Variants in SLC35F3 observed in about 807,000 individuals in gnomAD.
The protein encoded by SLC35F3 is putative thiamine transporter SLC35F3.
Under a neutral mutation model 49.9 loss-of-function variants are expected in SLC35F3, and 25 were observed. The observed-to-expected ratio is 0.50, with a 90% CI of 0.37 to 0.70. The LOEUF is 0.70. Among genes scored for constraint, SLC35F3 ranks in the 30% least tolerant of loss-of-function variants. SLC35F3 has a pLI of 0.00. For synonymous variants in SLC35F3, 275 were observed against 265.4 expected, an observed-to-expected ratio of 1.04 and a Z score of -0.35; for missense variants, 525 against 639.8, an observed-to-expected ratio of 0.82 and a Z score of 1.94.
chr1:234,124,728 C>T (rs737256), intron 2 of SLC35F3, among the ~76,000 whole-genome samples: 20,314 of 152,124 alleles, frequency 0.13, 2,875 homozygotes, highest in East Asian at 0.77. Context: ...ATTATCCGAG[C>T]ATGGTACTGC....
intron 7 of SLC35F3, among the ~76,000 whole-genome samples, chr1:234,321,726 C>T (rs12129307): frequency 0.11 from 16,843 of 152,194 alleles, 1,046 homozygotes; most frequent in African/African-American, 0.15. Context: ...TCCCAGGCCA[C>T]TCTTGATTGG....
In SLC35F3 at chr1:234,231,536, ATCT is replaced by A. The variant is rs1484835366; in HGVS notation, c.407_409del (p.Phe136del). 3 of 1,613,820 alleles carry A rather than the reference ATCT, an allele frequency of 1.9e-6. No homozygotes were observed. Among genetic ancestry groups the A allele is most frequent in the African/African-American group, 1.3e-5 (1 of 74,884 alleles). On this transcript the variant is annotated inframe_deletion, in exon 3 of 8. Coordinates refer to ENST00000366618, the MANE Select transcript of SLC35F3 (RefSeq NM_173508.4). This position sits in a 1 kb window ranked among gnomAD's most constrained non-coding sequence, Gnocchi z 5.4. ...GTGCTCCCGGGCGCAACTCAAGAAG[ATCT>A]TCTGGGGCGTGGCGGTCGTGCTGTG...
intron 3 of SLC35F3, among the ~76,000 whole-genome samples, chr1:234,249,427 C>G (rs1163376641): frequency 6.6e-6 from 1 of 152,174 alleles, no homozygotes; most frequent in Non-Finnish European, 1.5e-5. Flanking sequence ...GGAACCTCCC[C>G]CTTATCCCAT....
chr1:233,982,112 A>C (rs1012799741), intron 2 of SLC35F3, among the ~76,000 whole-genome samples: 1 of 152,086 alleles, frequency 6.6e-6, no homozygotes, highest in Non-Finnish European at 1.5e-5. Flanking sequence ...TTTAGTAGAG[A>C]TGGGGTTTTG....
intron 2 of SLC35F3, among the ~76,000 whole-genome samples, chr1:234,139,951 T>TAATAAAATAAGATAAAATAAAATAA (rs1553308847): frequency 2.3e-4 from 21 of 90,584 alleles, no homozygotes; most frequent in African/African-American, 7.7e-4. Context: ...CATCTCAAAA[T>TAATAAAATAAGATAAAATAAAATAA]AATAAAATAA....
intron 2 of SLC35F3, among the ~76,000 whole-genome samples, chr1:234,080,942 A>G (rs1007417767): frequency 6.6e-6 from 1 of 152,218 alleles, no homozygotes; most frequent in African/African-American, 2.4e-5. Context: ...AAAAATTGCA[A>G]AAAAAACCCT....
intron 2 of SLC35F3, among the ~76,000 whole-genome samples, chr1:234,010,286 A>G (rs1193491250): frequency 6.6e-6 from 1 of 152,222 alleles, no homozygotes. Context: ...TCAGCTTGAA[A>G]TACCTGGTTA....
At chr1:233,965,506 C>G (rs1051245488) in intron 2 of SLC35F3, among the ~76,000 whole-genome samples, 2 of 152,222 alleles carry the variant, frequency 1.3e-5, no homozygotes, top group Admixed American at 6.5e-5. Flanking sequence ...ATGAGAGACT[C>G]TCCTTGCTGG....
chr1:234,210,421 T>A (rs993875298), intron 2 of SLC35F3, among the ~76,000 whole-genome samples: 2 of 152,092 alleles, frequency 1.3e-5, no homozygotes, highest in Non-Finnish European at 2.9e-5. Flanking sequence ...CAGAAGAAGA[T>A]AAGAAAATGT....
intron 2 of SLC35F3, among the ~76,000 whole-genome samples, chr1:234,048,576 C>T (rs1250506459): frequency 2.6e-5 from 4 of 151,664 alleles, no homozygotes; most frequent in Admixed American, 6.6e-5. Context: ...TCAAAACTGC[C>T]TCTACCTCAT....
In SLC35F3 at chr1:234,231,301, G is replaced by C. The variant is rs1240881463; in HGVS notation, c.284-116G>C. 5.7e-6 allele frequency: 5 copies of C among 875,284 alleles called. No individual in the cohort carries two copies. Among genetic ancestry groups the C allele is most frequent in the South Asian group, 5.4e-5 (3 of 55,260 alleles). The allele number at this position is 875,284 out of a possible 1,614,324, so 54.2% of individuals were successfully genotyped here. On this transcript the variant is annotated intron_variant, in intron 2 of 7. Coordinates refer to ENST00000366618, the MANE Select transcript of SLC35F3 (RefSeq NM_173508.4). This position sits in a 1 kb window ranked among gnomAD's most constrained non-coding sequence, Gnocchi z 5.4. ...CGCCCTGGAAGCCGCCCCTGCACCC[G>C]CTATCTCCCCGGGCCCCCAGGTAGC...
At chr1:234,081,647 C>T (rs1664877224) in intron 2 of SLC35F3, among the ~76,000 whole-genome samples, 2 of 152,190 alleles carry the variant, frequency 1.3e-5, no homozygotes, top group Non-Finnish European at 1.5e-5. Flanking sequence ...ACCAGGGCTT[C>T]TGTCTTGTCC....
At chr1:234,278,263 G>T (rs113364135) in intron 3 of SLC35F3, among the ~76,000 whole-genome samples, 24,855 of 152,090 alleles carry the variant, frequency 0.16, 2,225 homozygotes, top group Admixed American at 0.18. Flanking sequence ...GGCCAAGGCT[G>T]GTGACCACCT....
Position 234,214,559 on chromosome 1 carries a change from C to T in SLC35F3, c.284-16858C>T. 6.4e-7 allele frequency: 1 copy of T among 1,557,268 alleles called. No individual in the cohort carries two copies. The highest frequency in any genetic ancestry group is 8.7e-7 in the Non-Finnish European group (1 of 1,154,012). On this transcript the variant is annotated intron_variant, in intron 2 of 7. Transcript: ENST00000366618. This position sits in a 1 kb window ranked among gnomAD's most constrained non-coding sequence, Gnocchi z 8.0. Reference sequence around the variant, plus strand: ...CGCCTGCAACAGTCCGGTCCTGACCCTTACCAAAGTGGAAGGTAATGCGCG... The same window carrying T: ...CGCCTGCAACAGTCCGGTCCTGACCTTTACCAAAGTGGAAGGTAATGCGCG...
At chr1:234,134,879 G>A (rs189027472) in intron 2 of SLC35F3, among the ~76,000 whole-genome samples, 3 of 152,080 alleles carry the variant, frequency 2.0e-5, no homozygotes, top group Non-Finnish European at 4.4e-5. Flanking sequence ...GTGCCACCAC[G>A]CCCGGATAAT....
At chr1:234,069,176 A>G (rs1664675710) in intron 2 of SLC35F3, among the ~76,000 whole-genome samples, 1 of 137,968 alleles carries the variant, frequency 7.2e-6, no homozygotes, top group African/African-American at 2.7e-5. Flanking sequence ...ATAATATAAT[A>G]TATAAAATTT....
chr1:234,268,013 G>T (rs1487748744), intron 3 of SLC35F3, among the ~76,000 whole-genome samples: 1 of 151,582 alleles, frequency 6.6e-6, no homozygotes, highest in Non-Finnish European at 1.5e-5. Flanking sequence ...CCAGACGATG[G>T]GCGGCCAAGC....
At chr1:234,108,455 T>A (rs1477156607) in intron 2 of SLC35F3, among the ~76,000 whole-genome samples, 14 of 111,688 alleles carry the variant, frequency 1.3e-4, no homozygotes, top group Admixed American at 9.6e-4. Flanking sequence ...AGATATATAT[T>A]ATTTATATAT....
rs1228764766 is a variant in SLC35F3 at position 233,939,461 on chromosome 1, GA to G, written c.283+33711del. Among the ~76,000 whole-genome samples, 7 of 151,878 alleles carry G rather than the reference GA, an allele frequency of 4.6e-5. No individual in the cohort carries two copies. In the East Asian group the frequency reaches 1.4e-3, roughly 29 times the overall value. On this transcript the variant is annotated intron_variant, in intron 2 of 7. Coordinates refer to ENST00000366618, the MANE Select transcript of SLC35F3 (RefSeq NM_173508.4). ...CAGAGCAATATCCTGTCTCCGAAAA[GA>G]AAAAAAATTGAAAACATTCCTCTTG...
Sources: allele counts gnomAD v4.1 joint callset (sites outside exome capture counted in the v4.1 genomes callset), GRCh38; gene constraint gnomAD v4.1.1; non-coding constraint Gnocchi (gnomAD v3.1); transcripts MANE v1.5; gene names NCBI Gene and HGNC (gene_info 2026-07-23, HGNC 2026-07-21).